Variants in UBAP2 observed in about 807,000 individuals in gnomAD.
The protein encoded by UBAP2 is ubiquitin associated protein 2.
UBAP2 carries 75 observed loss-of-function variants against 139.6 expected under a neutral mutation model. The observed-to-expected ratio is 0.54, with a 90% CI of 0.45 to 0.65. The LOEUF is 0.65. UBAP2 is among the 30% of genes least tolerant of loss of function. The pLI is 0.00. For synonymous variants in UBAP2, 526 were observed against 526.2 expected (o/e 1.00, Z 0.01); for missense variants, 1,368 against 1,369.6 (o/e 1.00, Z 0.02).
At chr9:33,950,005 C>A (rs1158842972) in intron 12 of UBAP2, among the ~76,000 whole-genome samples, 1 of 152,214 alleles carries the variant, frequency 6.6e-6, no homozygotes, top group Non-Finnish European at 1.5e-5. Context: ...AGATCAACTA[C>A]ATTTTTACAT....
At chr9:33,973,716 C>A (rs1355976596) in intron 6 of UBAP2, among the ~76,000 whole-genome samples, 1 of 152,156 alleles carries the variant, frequency 6.6e-6, no homozygotes, top group Non-Finnish European at 1.5e-5. Flanking sequence ...TGACTAGCAC[C>A]TTTCCACATT....
At chr9:34,032,001 C>T (rs2131333758) in intron 1 of UBAP2, among the ~76,000 whole-genome samples, 1 of 151,994 alleles carries the variant, frequency 6.6e-6, no homozygotes, top group Admixed American at 6.6e-5. Context: ...AAAAATTAGC[C>T]AGGTATGGTG....
chr9:33,932,461 T>C (rs1256087561), intron 19 of UBAP2, 101 bp downstream of exon 19: 23 of 1,388,370 alleles, frequency 1.7e-5, no homozygotes, highest in Non-Finnish European at 2.3e-5. Context: ...CAACTCTAGA[T>C]TATCAGACAC....
rs189848086 is a variant in UBAP2 at position 33,988,278 on chromosome 9, A to G, written c.442+695T>C. On this transcript the variant is annotated intron_variant, in intron 5 of 28. Transcript: ENST00000379238. ...ATGCCTATAAAAGTATCCACTACAT[A>G]GTAGATACTCAATAAATATCAGTGG... Among the ~76,000 whole-genome samples, 110 of 152,332 alleles carry G rather than the reference A, an allele frequency of 7.2e-4. 1 individual carries two copies. The highest frequency in any genetic ancestry group is 6.9e-3 in the Admixed American group (105 of 15,306).
chr9:33,963,087 G>T (rs910446970), intron 9 of UBAP2, among the ~76,000 whole-genome samples: 5 of 152,098 alleles, frequency 3.3e-5, no homozygotes, highest in African/African-American at 1.2e-4. Flanking sequence ...TGCATAATAG[G>T]GTGAGAATCT....
intron 2 of UBAP2, chr9:34,011,610 T>C: frequency 2.0e-6 from 2 of 985,142 alleles, no homozygotes; most frequent in Non-Finnish European, 2.4e-6. Context: ...AACATAAGAG[T>C]ATAATAGGGA....
chr9:34,007,179 T>C (rs1353402310), intron 2 of UBAP2, among the ~76,000 whole-genome samples: 1 of 152,142 alleles, frequency 6.6e-6, no homozygotes, highest in Non-Finnish European at 1.5e-5. Context: ...TCTTGCCTAT[T>C]TGCTCTGGCT....
At chr9:34,039,122 G>C (rs1379781442) in intron 1 of UBAP2, among the ~76,000 whole-genome samples, 1 of 151,716 alleles carries the variant, frequency 6.6e-6, no homozygotes, top group East Asian at 2.0e-4. Context: ...GTCTCCGCCC[G>C]GCAGCCGGCC....
chr9:34,012,204 A>G (rs2131255419), intron 2 of UBAP2, among the ~76,000 whole-genome samples: 1 of 152,344 alleles, frequency 6.6e-6, no homozygotes, highest in East Asian at 1.9e-4. Flanking sequence ...TGACATCTGA[A>G]TACAATGTAT....
chr9:34,016,238 G>A (rs1328662972), intron 2 of UBAP2, among the ~76,000 whole-genome samples: 1 of 72,880 alleles, frequency 1.4e-5, no homozygotes, highest in South Asian at 4.2e-4. Context: ...GAAGAGGAAG[G>A]GGAGGAAGAG....
chr9:33,992,389 CA>C (rs33969994), intron 4 of UBAP2, among the ~76,000 whole-genome samples: 36 of 80,020 alleles, frequency 4.5e-4, no homozygotes, highest in South Asian at 2.9e-3. Context: ...AACTCCATCT[CA>C]AAAAAAAAAA....
At chr9:34,029,068 A>G (rs1825660249) in intron 1 of UBAP2, among the ~76,000 whole-genome samples, 1 of 152,122 alleles carries the variant, frequency 6.6e-6, no homozygotes, top group Admixed American at 6.6e-5. Context: ...GTGTGCTATG[A>G]TCATGTCACC....
In UBAP2 at chr9:33,941,742, T is replaced by C. The variant is rs770933907; in HGVS notation, c.1836A>G (p.Ala612=). 1 of 1,614,154 alleles carries C rather than the reference T, an allele frequency of 6.2e-7. No individual in the cohort carries two copies. The highest frequency in any genetic ancestry group is 1.1e-5 in the South Asian group (1 of 91,086). Residue 612 remains alanine, a synonymous_variant, in exon 16 of 29, where the codon GCA becomes GCG. Coordinates refer to ENST00000379238, the MANE Select transcript of UBAP2 (RefSeq NM_001370062.2). ...AACTCTGGTCATAAGAGGAAGACAT[T>C]GCTACTGGACTAGCAGAATTCAGTG... The part of the protein sequence containing the change: ...SSSLNSASPV[A]MSSSYDQSSV...
chr9:33,962,684 T>A (rs1472241942), intron 9 of UBAP2, among the ~76,000 whole-genome samples: 51 of 111,766 alleles, frequency 4.6e-4, no homozygotes, highest in East Asian at 7.1e-4. Context: ...AAATAAATAA[T>A]TAAAAAATAG....
intron 11 of UBAP2, 43 bp downstream of exon 11, chr9:33,956,036 T>C: frequency 6.8e-7 from 1 of 1,475,828 alleles, no homozygotes; most frequent in Non-Finnish European, 9.3e-7. Flanking sequence ...AAGATTTCTG[T>C]AATGCTTTGA....
chr9:33,995,462 A>ATATTAAATATATAAATATATTTATAT (rs1564053485), intron 4 of UBAP2: 46 of 138,130 alleles, frequency 3.3e-4, no homozygotes, highest in East Asian at 2.8e-3. Flanking sequence ...TATATAATAT[A>ATATTAAATATATAAATATATTTATAT]TATTAAATAT....
At chr9:33,985,313 T>C (rs750675071) in intron 6 of UBAP2, among the ~76,000 whole-genome samples, 3 of 152,254 alleles carry the variant, frequency 2.0e-5, no homozygotes, top group Non-Finnish European at 4.4e-5. Flanking sequence ...TCCGTTACCA[T>C]GAGCATTTAT....
chr9:34,011,263 A>G, intron 2 of UBAP2, among the ~76,000 whole-genome samples: 1 of 152,158 alleles, frequency 6.6e-6, no homozygotes, highest in East Asian at 1.9e-4. Context: ...TAAAGTCACT[A>G]TTCATTGCCA....
Position 33,922,489 on chromosome 9 carries a change from C to A in UBAP2, c.*15G>T, listed in dbSNP as rs766590716. ...CAGGATAAGCCTTGCCCCAGCCCAC[C>A]CCTCTCTTCTGGGTTTAGTTTGTCC... On this transcript the variant is annotated 3_prime_UTR_variant, in exon 29 of 29. Transcript: ENST00000379238. 3 of 1,612,098 alleles carry A rather than the reference C, an allele frequency of 1.9e-6. No individual in the cohort carries two copies. In the South Asian group the frequency reaches 3.3e-5, roughly 18 times the overall value.
Sources: allele counts gnomAD v4.1 joint callset (sites outside exome capture counted in the v4.1 genomes callset), GRCh38; gene constraint gnomAD v4.1.1; transcripts MANE v1.5; gene names NCBI Gene and HGNC (gene_info 2026-07-23, HGNC 2026-07-21).